C1orf141: variants seen among roughly 807,000 people sequenced by gnomAD.
The protein encoded by C1orf141 is chromosome 1 open reading frame 141.
Under a neutral mutation model 23.2 loss-of-function variants are expected in C1orf141, and 19 were observed. The observed-to-expected ratio is 0.82, with a 90% CI of 0.57 to 1.20. The LOEUF is 1.20. Ranked by LOEUF, C1orf141 falls within the 50% of genes most tolerant of loss-of-function variation. C1orf141 has a pLI of 0.00. For missense variants in C1orf141, 469 were observed against 455.1 expected, an observed-to-expected ratio of 1.03 and a Z score of -0.28; for synonymous variants, 153 against 154.6, an observed-to-expected ratio of 0.99 and a Z score of 0.08.
At chr1:67,103,251 A>G (rs1645844766) in intron 5 of C1orf141, 1 of 1,421,606 alleles carries the variant, frequency 7.0e-7, no homozygotes, top group Non-Finnish European at 9.4e-7. Flanking sequence ...TAAATAAAGT[A>G]GAGTCTTTTT....
chr1:67,101,640 T>C (rs1462091812), intron 5 of C1orf141, among the ~76,000 whole-genome samples: 1 of 152,140 alleles, frequency 6.6e-6, no homozygotes, highest in Non-Finnish European at 1.5e-5. Context: ...AGGCAGATTT[T>C]CTTTGAGTTA....
At chr1:67,110,396 G>A (rs185976873) in intron 5 of C1orf141, among the ~76,000 whole-genome samples, 196 of 152,150 alleles carry the variant, frequency 1.3e-3, no homozygotes, top group African/African-American at 4.5e-3. Context: ...ATGCACGGTG[G>A]TATAAACAAT....
At chr1:67,139,775 C>A (rs1282009139), upstream of C1orf141, among the ~76,000 whole-genome samples, 1 of 152,042 alleles carries the variant, frequency 6.6e-6, no homozygotes, top group East Asian at 1.9e-4. Context: ...ACTCCTGGAC[C>A]CAAGGCATCC....
At chr1:67,126,429 GC>G (rs1468031516) in intron 3 of C1orf141, among the ~76,000 whole-genome samples, 2 of 152,160 alleles carry the variant, frequency 1.3e-5, no homozygotes, top group African/African-American at 2.4e-5. Flanking sequence ...GAGTAAAGGA[GC>G]CGAAAGTTTT....
chr1:67,127,318 A>G, intron 2 of C1orf141, 61 bp from the exon 3 acceptor site: 5 of 938,988 alleles, frequency 5.3e-6, no homozygotes, highest in Non-Finnish European at 8.3e-6. Flanking sequence ...AAAACTAGGC[A>G]TAAGTTTTCA....
upstream of C1orf141, among the ~76,000 whole-genome samples, chr1:67,139,735 G>A (rs1332343586): frequency 6.6e-6 from 1 of 152,122 alleles, no homozygotes; most frequent in Non-Finnish European, 1.5e-5. Flanking sequence ...TAAAGATAAA[G>A]TCTTGCTATG....
chr1:67,132,159 C>A (rs903421596), intron 1 of C1orf141, among the ~76,000 whole-genome samples: 1 of 150,824 alleles, frequency 6.6e-6, no homozygotes, highest in Non-Finnish European at 1.5e-5. Flanking sequence ...TGGCCTCAAG[C>A]AATCCTCCAG....
At chr1:67,120,606 T>C (rs1357849838) in intron 4 of C1orf141, among the ~76,000 whole-genome samples, 4 of 152,096 alleles carry the variant, frequency 2.6e-5, no homozygotes, top group African/African-American at 9.7e-5. Flanking sequence ...ATTAGTGCCC[T>C]TATAAGACAT....
At chr1:67,111,541 T>C in intron 5 of C1orf141, 1 of 829,126 alleles carries the variant, frequency 1.2e-6, no homozygotes, top group East Asian at 3.3e-5. Context: ...TTTGAATTTC[T>C]ATTAAGTAAT....
At chr1:67,119,212 A>G (rs1188904423) in intron 4 of C1orf141, among the ~76,000 whole-genome samples, 2 of 152,210 alleles carry the variant, frequency 1.3e-5, no homozygotes, top group African/African-American at 2.4e-5. Flanking sequence ...TGTTGGTAGA[A>G]ATATGGATGG....
chr1:67,097,834 G>A (rs72933975), intron 5 of C1orf141, among the ~76,000 whole-genome samples: 15,301 of 152,150 alleles, frequency 0.1, 1,225 homozygotes, highest in African/African-American at 0.22. Flanking sequence ...GTGGGAAATC[G>A]TTGGCTTCAG....
intron 5 of C1orf141, among the ~76,000 whole-genome samples, chr1:67,106,503 A>G (rs961099993): frequency 9.9e-5 from 15 of 151,962 alleles, no homozygotes; most frequent in Admixed American, 2.6e-4. Flanking sequence ...AAAAAAAGAA[A>G]AAAAAATTAG....
chr1:67,093,027 T>C lies in C1orf141; in HGVS notation c.1181A>G (p.Asn394Ser). ...TPLDNLLNLS[N>S]EILNAS ...ATTTTATGAGGCATTTAAAATTTCA[T>C]TTGATAAGTTTAACAAATTATCCAG... The change falls in exon 8 of 8, where the codon AAT becomes AGT. Residue 394 changes from asparagine (N) to serine (S), a missense_variant. This residue lies in a region of C1orf141 where 370 missense variants were observed against 348.1 expected (regional missense o/e 1.06). Coordinates refer to ENST00000684719, the MANE Select transcript of C1orf141 (RefSeq NM_001276351.2). The C allele has an allele frequency of 1.3e-6, 2 of 1,581,602 alleles. No individual in the cohort carries two copies. The highest frequency in any genetic ancestry group is 1.8e-4 in the Middle Eastern group (1 of 5,628).
intron 6 of C1orf141, 31 bp downstream of exon 6, chr1:67,096,221 A>G: frequency 9.6e-7 from 1 of 1,037,068 alleles, no homozygotes; most frequent in East Asian, 2.4e-5. Context: ...ATTAAACAGA[A>G]CAAAGTATTA....
intron 5 of C1orf141, among the ~76,000 whole-genome samples, chr1:67,098,912 A>G (rs1645743102): frequency 6.6e-6 from 1 of 152,198 alleles, no homozygotes; most frequent in South Asian, 2.1e-4. Flanking sequence ...AGAATTAATG[A>G]ATTGAGAGAA....
intron 1 of C1orf141, among the ~76,000 whole-genome samples, chr1:67,134,062 G>C (rs1291276843): frequency 6.6e-6 from 1 of 152,132 alleles, no homozygotes; most frequent in Non-Finnish European, 1.5e-5. Flanking sequence ...GAGTGCAGTG[G>C]CTGCGATCTC....
chr1:67,127,979 T>C (rs982607147), intron 2 of C1orf141, among the ~76,000 whole-genome samples: 4 of 152,154 alleles, frequency 2.6e-5, no homozygotes, highest in Admixed American at 6.5e-5. Flanking sequence ...TGTCATGATA[T>C]AATTTTAATG....
chr1:67,117,065 T>A (rs913712478), intron 4 of C1orf141, among the ~76,000 whole-genome samples: 4 of 152,238 alleles, frequency 2.6e-5, no homozygotes, highest in African/African-American at 4.8e-5. Flanking sequence ...TTATGTGTTT[T>A]ATTCACTGTG....
At chr1:67,134,219 G>T (rs897334461) in intron 1 of C1orf141, among the ~76,000 whole-genome samples, 1 of 152,196 alleles carries the variant, frequency 6.6e-6, no homozygotes, top group Non-Finnish European at 1.5e-5. Context: ...GGCCAGGCTG[G>T]TCTCTAACTC....
Sources: gnomAD v4.1 joint callset for allele counts (sites outside exome capture counted in the v4.1 genomes callset) on GRCh38, gnomAD v4.1.1 for gene constraint, gnomAD v4.1.1 regional missense constraint, MANE v1.5 for transcripts, NCBI Gene and HGNC (gene_info 2026-07-23, HGNC 2026-07-21) for gene names.